FASTKD2: variants seen among roughly 807,000 people sequenced by gnomAD.
FASTKD2 encodes the protein FAST kinase domain-containing protein 2, mitochondrial.
FASTKD2 carries 51 observed loss-of-function variants against 63.6 expected under a neutral mutation model. The observed-to-expected ratio is 0.80, with a 90% CI of 0.64 to 1.01. FASTKD2 has a LOEUF of 1.01. Ranked by LOEUF, FASTKD2 falls within the 50% of genes least tolerant of loss-of-function variation. The pLI is 0.00. For synonymous variants in FASTKD2, 284 were observed against 293.4 expected (o/e 0.97, Z 0.33); for missense variants, 786 against 831.1 (o/e 0.95, Z 0.67).
intron 6 of FASTKD2, among the ~76,000 whole-genome samples, chr2:206,773,043 G>A (rs192777392): frequency 4.6e-5 from 7 of 152,128 alleles, no homozygotes; most frequent in Non-Finnish European, 8.8e-5. Context: ...GGCTGGGCGC[G>A]GTGGCTCACG....
intron 3 of FASTKD2, 48 bp from the exon 4 acceptor site, chr2:206,771,134 C>A: frequency 8.6e-7 from 1 of 1,162,140 alleles, no homozygotes; most frequent in East Asian, 2.4e-5. Context: ...GATTTTTCTT[C>A]TGCTTTGAAG....
At chr2:206,785,208 A>G (rs1241887442) in intron 7 of FASTKD2, among the ~76,000 whole-genome samples, 1 of 152,206 alleles carries the variant, frequency 6.6e-6, no homozygotes, top group African/African-American at 2.4e-5. Flanking sequence ...TCAGCTATCT[A>G]CCACTGGGTC....
rs1426759032 is a variant in FASTKD2 at position 206,772,275 on chromosome 2, T to TG, written c.1210dup (p.Ala404GlyfsTer24). The TG allele has an allele frequency of 1.2e-6, 2 of 1,614,116 alleles. No individual in the cohort carries two copies. On this transcript the variant is annotated frameshift_variant, in exon 6 of 12. Transcript: ENST00000402774. LOFTEE classifies it high-confidence loss of function. The stretch of plus-strand genomic sequence containing the variant: ...ATAATTTGGATCTCTTCAAGGGACT[T>TG]GCAGATTATGTGGCTGCAACTTTCG...
intron 7 of FASTKD2, among the ~76,000 whole-genome samples, chr2:206,778,747 G>T (rs868593311): frequency 6.6e-6 from 1 of 151,968 alleles, no homozygotes; most frequent in African/African-American, 2.4e-5. Context: ...ACAGCAGGAG[G>T]TGAGTGGCAG....
chr2:206,788,124 G>A lies in FASTKD2; in HGVS notation c.1782G>A (p.Lys594=), dbSNP rs752915918. Residue 594 remains lysine (K), a synonymous_variant, in exon 9 of 12, where the codon AAG becomes AAA. Transcript: ENST00000402774. Reference sequence around the variant, plus strand: ...TGGGAGGTGAAGGACACTTCTCAAAGGATGTGCACTTGCCACACAATTATC... The same window carrying A: ...TGGGAGGTGAAGGACACTTCTCAAAAGATGTGCACTTGCCACACAATTATC... ...SLLGGEGHFS[K]DVHLPHNYHI... 3.7e-6 allele frequency: 6 copies of A among 1,609,028 alleles called. No individual in the cohort carries two copies. In the South Asian group the frequency reaches 6.6e-5, roughly 18 times the overall value.
chr2:206,770,221 T>C (rs1296838782), intron 3 of FASTKD2, 27 bp downstream of exon 3: 1 of 1,379,418 alleles, frequency 7.2e-7, no homozygotes, highest in African/African-American at 1.4e-5. Flanking sequence ...GCTTTCTTCA[T>C]GTGGTTTTCT....
chr2:206,778,841 T>C (rs192294980), intron 7 of FASTKD2, among the ~76,000 whole-genome samples: 2 of 152,200 alleles, frequency 1.3e-5, no homozygotes, highest in Admixed American at 6.5e-5. Flanking sequence ...GAACTGTGCA[T>C]GTGAAGGCTC....
chr2:206,777,983 C>T (rs1689867776), intron 7 of FASTKD2, among the ~76,000 whole-genome samples: 1 of 151,854 alleles, frequency 6.6e-6, no homozygotes, highest in Non-Finnish European at 1.5e-5. Context: ...ATTTCTGTGG[C>T]ATTGGTTTTT....
At chr2:206,783,273 A>G (rs1019780407) in intron 7 of FASTKD2, 1 of 147,612 alleles carries the variant, frequency 6.8e-6, no homozygotes, top group Non-Finnish European at 1.5e-5. Flanking sequence ...AGCCTTGACA[A>G]CAGGCTGCAC....
At position 206,793,097 on chromosome 2, in the gene FASTKD2, C is replaced by G. The variant is rs191791478; in HGVS notation, c.*1295C>G. On this transcript the variant is annotated 3_prime_UTR_variant, in exon 12 of 12. Transcript: ENST00000402774. Reference sequence around the variant, plus strand: ...ATTAGCCGGGCATGGTGGTGCATGCCTATAATCCCAGCTACTGGGGAGGCT... The same window carrying G: ...ATTAGCCGGGCATGGTGGTGCATGCGTATAATCCCAGCTACTGGGGAGGCT... Among the ~76,000 whole-genome samples the G allele has an allele frequency of 1.7e-3, 260 of 151,920 alleles. 1 individual carries two copies. Among genetic ancestry groups the G allele is most frequent in the African/African-American group, 5.8e-3 (240 of 41,406 alleles).
In FASTKD2 at chr2:206,771,575, G is replaced by A. The variant is rs186705789; in HGVS notation, c.990+285G>A. ...TCACACCTGTAATCCCAGCACTTTG[G>A]GATGTCAAGGGCAGGGAGATCTCTT... On this transcript the variant is annotated intron_variant, in intron 4 of 11. Transcript: ENST00000402774. 1.8e-3 allele frequency among the ~76,000 whole-genome samples: 271 copies of A among 149,090 alleles called. 1 individual carries two copies. In the Middle Eastern group the frequency reaches 0.031, roughly 17 times the overall value.
chr2:206,793,220 CAAAA>C lies in FASTKD2; in HGVS notation c.*1446_*1449del, dbSNP rs58656956. On this transcript the variant is annotated 3_prime_UTR_variant, in exon 12 of 12. Coordinates refer to ENST00000402774, the MANE Select transcript of FASTKD2 (RefSeq NM_001136193.2). ...CTGACCACAGAGCGAGACTCTGTCT[CAAAA>C]AAAAAAAAAAAAAAAAAAAAAAAAA... Among the ~76,000 whole-genome samples, 15 of 65,818 alleles carry C rather than the reference CAAAA, an allele frequency of 2.3e-4. No individual in the cohort carries two copies. Among genetic ancestry groups the C allele is most frequent in the African/African-American group, 9.3e-4 (15 of 16,216 alleles). The allele number at this position is 65,818 out of a possible 152,430, so 43.2% of individuals were successfully genotyped here. A position where few individuals can be genotyped will look rare whatever the true frequency, so the allele number is the denominator to read the frequency against.
At chr2:206,775,947 T>C (rs1689813524) in intron 7 of FASTKD2, among the ~76,000 whole-genome samples, 1 of 152,008 alleles carries the variant, frequency 6.6e-6, no homozygotes, top group African/African-American at 2.4e-5. Flanking sequence ...TAAAGTGATA[T>C]CTCATTGTGG....
intron 6 of FASTKD2, among the ~76,000 whole-genome samples, chr2:206,773,530 G>C (rs1258345868): frequency 6.6e-6 from 1 of 152,084 alleles, no homozygotes; most frequent in African/African-American, 2.4e-5. Flanking sequence ...GCTGTGTTAA[G>C]AATATAAACA....
Position 206,793,255 on chromosome 2 carries a change from A to G in FASTKD2, c.*1453A>G, listed in dbSNP as rs1437987419. 2.0e-5 allele frequency among the ~76,000 whole-genome samples: 3 copies of G among 146,436 alleles called. No individual in the cohort carries two copies. The highest frequency in any genetic ancestry group is 3.0e-5 in the Non-Finnish European group (2 of 66,824). ...AAAAAAAAAAAAAAAAAAAAAATAC[A>G]AAAACTATAGCAATATGACAACAGC... is the stretch of plus-strand genomic sequence containing the variant. On this transcript the variant is annotated 3_prime_UTR_variant, in exon 12 of 12. Coordinates refer to ENST00000402774, the MANE Select transcript of FASTKD2 (RefSeq NM_001136193.2).
chr2:206,782,254 G>A (rs534442523), intron 7 of FASTKD2, among the ~76,000 whole-genome samples: 1 of 152,308 alleles, frequency 6.6e-6, no homozygotes, highest in Non-Finnish European at 1.5e-5. Context: ...GCTTTGGGGA[G>A]GGGCTGACCT....
At chr2:206,785,936 C>T (rs1690127016) in intron 7 of FASTKD2, among the ~76,000 whole-genome samples, 1 of 152,220 alleles carries the variant, frequency 6.6e-6, no homozygotes, top group Non-Finnish European at 1.5e-5. Context: ...AGGCAAGTAG[C>T]ATGTGCTTTC....
intron 8 of FASTKD2, 32 bp downstream of exon 8, chr2:206,786,931 T>G (rs535886044): frequency 3.8e-6 from 5 of 1,315,364 alleles, no homozygotes; most frequent in Admixed American, 3.5e-5. Flanking sequence ...GGTCACCAAT[T>G]GTGACCAATT....
intron 5 of FASTKD2, 25 bp from the exon 6 acceptor site, chr2:206,772,156 T>C (rs1372132730): frequency 1.2e-6 from 2 of 1,607,384 alleles, no homozygotes; most frequent in East Asian, 2.2e-5. Flanking sequence ...TAATTTTTGT[T>C]TGTTTATTTA....
Sources: gnomAD v4.1 joint callset for allele counts (sites outside exome capture counted in the v4.1 genomes callset) on GRCh38, gnomAD v4.1.1 for gene constraint, MANE v1.5 for transcripts, NCBI Gene and HGNC (gene_info 2026-07-23, HGNC 2026-07-21) for gene names.